Variants in ACSF2 observed in about 807,000 individuals in gnomAD.
ACSF2 encodes acyl-CoA synthetase family member 2, also known as medium-chain acyl-CoA ligase ACSF2, mitochondrial.
In ACSF2, 52 loss-of-function variants were observed where a neutral mutation model predicts 79.3. The observed-to-expected ratio is 0.66, with a 90% confidence interval of 0.53 to 0.83. The LOEUF is 0.83. Ranked by LOEUF, ACSF2 falls within the 40% of genes least tolerant of loss-of-function variation. ACSF2 has a pLI of 0.00. For missense variants in ACSF2, 661 were observed against 803.3 expected (o/e 0.82, Z 2.14); for synonymous variants, 283 against 312.6 (o/e 0.91, Z 1.00).
At chr17:50,473,380 T>C in intron 12 of ACSF2, 1 of 401,704 alleles carries the variant, frequency 2.5e-6, no homozygotes, top group East Asian at 4.3e-5. Flanking sequence ...AGAAGATGTC[T>C]GGAGACATTT....
At chr17:50,442,305 C>CA (rs1260390634) in intron 1 of ACSF2, among the ~76,000 whole-genome samples, 4 of 143,560 alleles carry the variant, frequency 2.8e-5, no homozygotes, top group Admixed American at 7.2e-5. Context: ...AACTCCATCC[C>CA]AAAAAAACAA....
At chr17:50,431,156 A>G (rs2029893829) in intron 1 of ACSF2, among the ~76,000 whole-genome samples, 1 of 152,274 alleles carries the variant, frequency 6.6e-6, no homozygotes. Context: ...TAAATGTAAC[A>G]GTAGAAAATA....
intron 10 of ACSF2, chr17:50,469,004 C>G: frequency 7.4e-7 from 1 of 1,357,356 alleles, no homozygotes. Context: ...GATGCGCCCC[C>G]GCCCTCCACG....
At chr17:50,466,169 C>A (rs189228407) in intron 10 of ACSF2, among the ~76,000 whole-genome samples, 1,717 of 149,678 alleles carry the variant, frequency 0.011, 20 homozygotes, top group Non-Finnish European at 0.017. Context: ...TCACTGCAAG[C>A]TCCGCCTCCC....
intron 1 of ACSF2, among the ~76,000 whole-genome samples, chr17:50,456,586 G>T (rs920398788): frequency 6.6e-6 from 1 of 151,978 alleles, no homozygotes; most frequent in Non-Finnish European, 1.5e-5. Context: ...TGCAAAATTA[G>T]CCGGGCGTGG....
At position 50,472,544 on chromosome 17, in the gene ACSF2, G is replaced by C. The variant is rs749329317; in HGVS notation, c.1440G>C (p.Glu480Asp). The C allele has an allele frequency of 6.2e-7, 1 of 1,611,684 alleles. No homozygotes were observed. Among genetic ancestry groups the C allele is most frequent in the Non-Finnish European group, 8.5e-7 (1 of 1,178,940 alleles). The change falls in exon 12 of 16, where the codon GAG becomes GAC. Residue 480 changes from glutamate (E) to aspartate (D), a missense_variant. Physicochemically the swap from Glu to Asp is conservative, Grantham distance 45. Coordinates refer to ENST00000300441, the MANE Select transcript of ACSF2 (RefSeq NM_025149.6). ...LGYWGEPQKT[E>D]EAVDQDKWYW... ...ACTGGGGTGAGCCTCAGAAGACAGAGGAAGCAGTGGATCAGGACAAGTGGT... is the reference window on the plus strand; with the variant it reads ...ACTGGGGTGAGCCTCAGAAGACAGACGAAGCAGTGGATCAGGACAAGTGGT...
At chr17:50,456,710 A>G (rs1164510322) in intron 1 of ACSF2, among the ~76,000 whole-genome samples, 1 of 150,996 alleles carries the variant, frequency 6.6e-6, no homozygotes, top group Admixed American at 6.6e-5. Context: ...CCAGCCTGAC[A>G]ACGAGAGCGA....
intron 4 of ACSF2, 126 bp from the exon 5 acceptor site, chr17:50,462,058 T>G (rs1282824725): frequency 1.3e-6 from 1 of 749,152 alleles, no homozygotes; most frequent in Non-Finnish European, 2.2e-6. Context: ...TGCCTGTGAG[T>G]GTGCTGGAGG....
chr17:50,426,531 C>T (rs1915001660), intron 1 of ACSF2, 142 bp downstream of exon 1: 1 of 1,112,586 alleles, frequency 9.0e-7, no homozygotes, highest in Non-Finnish European at 1.2e-6. Context: ...CCCCCGCCAG[C>T]ACCTAGGCAA....
At chr17:50,443,212 TTTTG>T (rs1030060472) in intron 1 of ACSF2, among the ~76,000 whole-genome samples, 101 of 152,012 alleles carry the variant, frequency 6.6e-4, no homozygotes, top group African/African-American at 2.0e-3. Flanking sequence ...CCGGCCAGGT[TTTTG>T]TTTGTTTGTT....
At chr17:50,426,808 C>T (rs1915039392) in intron 1 of ACSF2, 3 of 1,321,208 alleles carry the variant, frequency 2.3e-6, no homozygotes, top group African/African-American at 1.5e-5. Context: ...ACCCAGGCCA[C>T]TAAACTTAGC....
chr17:50,470,430 A>C (rs552806816), intron 10 of ACSF2, among the ~76,000 whole-genome samples: 2 of 151,984 alleles, frequency 1.3e-5, no homozygotes, highest in South Asian at 4.2e-4. Context: ...TTTTAAAATC[A>C]CTGCTTAGGT....
chr17:50,473,112 C>T (rs879582567), intron 12 of ACSF2: 21 of 155,544 alleles, frequency 1.4e-4, no homozygotes, highest in Admixed American at 3.2e-4. Flanking sequence ...AAAAATTAGC[C>T]GGACGTGGTG....
At chr17:50,428,632 A>G (rs1167536356) in intron 1 of ACSF2, among the ~76,000 whole-genome samples, 2 of 151,476 alleles carry the variant, frequency 1.3e-5, no homozygotes, top group Non-Finnish European at 2.9e-5. Context: ...AAAATATAAA[A>G]TTAGCCTGGC....
chr17:50,461,927 G>GGT (rs35178435), intron 4 of ACSF2, among the ~76,000 whole-genome samples: 25,161 of 148,100 alleles, frequency 0.17, 2,975 homozygotes, highest in East Asian at 0.65. Context: ...TCAGGGCAGA[G>GGT]GTGTGTGTGT....
chr17:50,465,966 T>C, intron 10 of ACSF2: 1 of 1,380,714 alleles, frequency 7.2e-7, no homozygotes, highest in Admixed American at 1.8e-5. Context: ...TCCCTGAACC[T>C]GAGCCATAGC....
intron 10 of ACSF2, 94 bp downstream of exon 10, chr17:50,464,388 A>G: frequency 7.8e-7 from 1 of 1,279,528 alleles, no homozygotes; most frequent in South Asian, 1.2e-5. Context: ...CAGATGTTCA[A>G]AGGAGACCCT....
chr17:50,469,776 G>A (rs1251335049), intron 10 of ACSF2: 3 of 152,476 alleles, frequency 2.0e-5, no homozygotes, highest in African/African-American at 7.2e-5. Flanking sequence ...GTACTTGGCA[G>A]ATGCCACATT....
intron 1 of ACSF2, among the ~76,000 whole-genome samples, chr17:50,442,328 T>C (rs1180665441): frequency 2.8e-5 from 4 of 143,308 alleles, no homozygotes; most frequent in Non-Finnish European, 6.1e-5. Context: ...CAAAACAATT[T>C]TTTTTTTTTT....
Sources: gnomAD v4.1 joint callset for allele counts (sites outside exome capture counted in the v4.1 genomes callset) on GRCh38, gnomAD v4.1.1 for gene constraint, MANE v1.5 for transcripts, NCBI Gene and HGNC (gene_info 2026-07-23, HGNC 2026-07-21) for gene names.